Variants in DNAH10 observed in about 807,000 individuals in gnomAD.
DNAH10 encodes the protein dynein axonemal heavy chain 10.
Under a neutral mutation model 506.6 loss-of-function variants are expected in DNAH10, and 348 were observed. The observed-to-expected ratio is 0.69, with a 90% confidence interval of 0.63 to 0.75. The LOEUF is 0.75. Ranked by LOEUF, DNAH10 falls within the 30% of genes least tolerant of loss-of-function variation. The pLI, the probability that DNAH10 is intolerant of heterozygous loss-of-function variation, is 0.00. For missense variants in DNAH10, 5,179 were observed against 5,787.1 expected, an observed-to-expected ratio of 0.89 and a Z score of 3.41; for synonymous variants, 2,059 against 2,198.6, an observed-to-expected ratio of 0.94 and a Z score of 1.78.
chr12:123,915,134 C>A (rs1025966208), intron 62 of DNAH10, 135 bp downstream of exon 62: 2 of 1,254,244 alleles, frequency 1.6e-6, no homozygotes, highest in Admixed American at 3.0e-5. Context: ...GACCCCCATG[C>A]GGAGCCCTCC....
At chr12:123,880,905 G>A (rs1351791581) in intron 50 of DNAH10, among the ~76,000 whole-genome samples, 1 of 149,426 alleles carries the variant, frequency 6.7e-6, no homozygotes, top group Non-Finnish European at 1.5e-5. Flanking sequence ...GCGGTGTTTG[G>A]TTTTCTGTCC....
At chr12:123,883,311 A>G (rs1430994620) in intron 51 of DNAH10, among the ~76,000 whole-genome samples, 1 of 152,206 alleles carries the variant, frequency 6.6e-6, no homozygotes, top group Non-Finnish European at 1.5e-5. Flanking sequence ...ACCGTTTTCC[A>G]TTCCTACCAG....
At chr12:123,833,075 T>A (rs754092577) in intron 26 of DNAH10, 39 bp from the exon 27 acceptor site, 48 of 1,521,214 alleles carry the variant, frequency 3.2e-5, no homozygotes, top group Non-Finnish European at 4.2e-5. Context: ...GTCCTTTCAG[T>A]TCGTGTGCCT....
In DNAH10 at chr12:123,787,475, G is replaced by A. The variant is rs1327249886; in HGVS notation, c.1422-329G>A. Among the ~76,000 whole-genome samples the A allele has an allele frequency of 6.6e-6, 1 of 152,222 alleles. No individual in the cohort carries two copies. Among genetic ancestry groups the A allele is most frequent in the Non-Finnish European group, 1.5e-5 (1 of 68,038 alleles). ...AAGTAGGTACCCAAATGGAGGCATT[G>A]TCCTGCGCCGTGTTGCAGCTGCCGC... On this transcript the variant is annotated intron_variant, in intron 9 of 78. Coordinates refer to ENST00000673944, the MANE Select transcript of DNAH10 (RefSeq NM_001372106.1). The surrounding 1 kb of genome is among the most constrained non-coding windows in gnomAD (Gnocchi z 4.6).
intron 12 of DNAH10, among the ~76,000 whole-genome samples, 189 bp from the exon 13 acceptor site, chr12:123,796,467 A>G (rs1181668479): frequency 6.6e-6 from 1 of 152,086 alleles, no homozygotes; most frequent in Non-Finnish European, 1.5e-5. Context: ...AACAACAACA[A>G]CAACAAAAAG....
intron 36 of DNAH10, among the ~76,000 whole-genome samples, chr12:123,854,074 T>TTG (rs1369837465): frequency 5.7e-4 from 84 of 148,486 alleles, no homozygotes; most frequent in African/African-American, 2.1e-3. Flanking sequence ...TTTGGGTTTT[T>TTG]TTTTTTTTTT....
chr12:123,898,912 AG>A (rs1953388540), intron 56 of DNAH10, 98 bp downstream of exon 56: 1 of 1,441,974 alleles, frequency 6.9e-7, no homozygotes, highest in Admixed American at 2.8e-5. Flanking sequence ...CGAGCAGGAC[AG>A]GGCTCTGCCA....
intron 35 of DNAH10, 24 bp downstream of exon 35, chr12:123,851,100 G>T: frequency 1.3e-6 from 2 of 1,577,376 alleles, no homozygotes; most frequent in Non-Finnish European, 1.7e-6. Flanking sequence ...GCAGCGCCAG[G>T]TCGTGCAGTG....
intron 46 of DNAH10, among the ~76,000 whole-genome samples, chr12:123,874,261 G>GTCCATCCATCCA (rs770389559): frequency 1.9e-4 from 23 of 123,196 alleles, no homozygotes; most frequent in Middle Eastern, 7.8e-3. Context: ...GCCAGAGTCC[G>GTCCATCCATCCA]TCCGTCCATC....
At chr12:123,912,989 GCA>G (rs1954297631) in intron 59 of DNAH10, 107 bp from the exon 60 acceptor site, 1 of 1,050,692 alleles carries the variant, frequency 9.5e-7, no homozygotes, top group Non-Finnish European at 1.4e-6. Flanking sequence ...GCTCTGAAAA[GCA>G]CAGACACCAT....
rs183999889 is a variant in DNAH10, at chr12:123,878,340, T to C, written c.8372+432T>C. 2.9e-3 allele frequency among the ~76,000 whole-genome samples: 439 copies of C among 152,346 alleles called. 2 individuals are homozygous for C. The highest frequency in any genetic ancestry group is 0.01 in the African/African-American group (427 of 41,588). On this transcript the variant is annotated intron_variant, in intron 48 of 78. Coordinates refer to ENST00000673944, the MANE Select transcript of DNAH10 (RefSeq NM_001372106.1). ...AAATTCCCGATTAAAACTAGGCTTA[T>C]ACCTTTACATGAATGTCTACTTTAG...
chr12:123,789,467 T>A (rs1254802797), intron 10 of DNAH10, among the ~76,000 whole-genome samples: 5 of 151,866 alleles, frequency 3.3e-5, no homozygotes, highest in Non-Finnish European at 5.9e-5. Context: ...AACTGCAACC[T>A]CTGCCTTCCG....
intron 1 of DNAH10, among the ~76,000 whole-genome samples, chr12:123,765,547 A>G (rs1230472012): frequency 1.5e-5 from 2 of 130,398 alleles, no homozygotes; most frequent in African/African-American, 3.5e-5. Context: ...CTACCTTCCT[A>G]TGCATCTATC....
chr12:123,930,626 C>T lies in DNAH10; in HGVS notation c.12784+53C>T, dbSNP rs574265816. The T allele has an allele frequency of 1.1e-5, 17 of 1,574,608 alleles. No individual in the cohort carries two copies. The Admixed American group carries it at 1.5e-4, about 14-fold the overall frequency. On this transcript the variant is annotated intron_variant, in intron 73 of 78. Transcript: ENST00000673944. ...TTTTCAAGGCTTTTTCTAAGGGAGA[C>T]CATACATTTCAACCGGCTCCTCTCC...
rs1951985869 is a variant in DNAH10, at chr12:123,870,498, C to T, written c.7639+13C>T. On this transcript the variant is annotated intron_variant, in intron 44 of 78. Transcript: ENST00000673944. ...ATCAACATCCTGGGTAAGTCAGAGT[C>T]AAATCCTTGTTCCTGGGTTTAGGAG... 1 of 1,611,558 alleles carries T rather than the reference C, an allele frequency of 6.2e-7. No homozygotes were observed. The highest frequency in any genetic ancestry group is 2.2e-5 in the East Asian group (1 of 44,854).
At position 123,931,750 on chromosome 12, in the gene DNAH10, C is replaced by T. The variant is rs1332482705; in HGVS notation, c.13031C>T (p.Thr4344Ile). The stretch of plus-strand genomic sequence containing the variant: ...GACCAGGTGAGGAAGCGCCTCGGAA[C>T]AGGACTCTCCCCCACTTCGGTGGTG... ...DLDQVRKRLG[T>I]GLSPTSVVLL... Residue 4344 changes from threonine to isoleucine, a missense_variant, in exon 75 of 79, where the codon ACA becomes ATA. By Grantham distance (89) the Thr-to-Ile change is moderately conservative (BLOSUM62 -1). Transcript: ENST00000673944. 5.0e-6 allele frequency: 8 copies of T among 1,614,042 alleles called. No homozygotes were observed. The highest frequency in any genetic ancestry group is 6.8e-6 in the Non-Finnish European group (8 of 1,179,898).
At chr12:123,826,248 G>A (rs527604904) in intron 24 of DNAH10, among the ~76,000 whole-genome samples, 2 of 152,262 alleles carry the variant, frequency 1.3e-5, no homozygotes, top group South Asian at 2.1e-4. Context: ...CTGATGGTTT[G>A]TAAACAGATT....
chr12:123,843,867 A>G (rs1425193421), intron 30 of DNAH10, among the ~76,000 whole-genome samples: 1 of 152,218 alleles, frequency 6.6e-6, no homozygotes, highest in Non-Finnish European at 1.5e-5. Context: ...CGTGAGCCAA[A>G]GCATTCGGCC....
chr12:123,898,853 C>T, intron 56 of DNAH10, 39 bp downstream of exon 56: 1 of 1,558,668 alleles, frequency 6.4e-7, no homozygotes, highest in South Asian at 1.2e-5. Context: ...ATCCCCAACA[C>T]CCAATACCCA....
Sources: gnomAD v4.1 joint callset for allele counts (sites outside exome capture counted in the v4.1 genomes callset) on GRCh38, gnomAD v4.1.1 for gene constraint, Gnocchi (gnomAD v3.1) non-coding constraint, MANE v1.5 for transcripts, NCBI Gene and HGNC (gene_info 2026-07-23, HGNC 2026-07-21) for gene names.